The following TYW1 variants were observed in gnomAD, a reference collection of about 807,000 sequenced individuals.
TYW1 encodes the protein tRNA-yW synthesizing protein 1 homolog, also known as S-adenosyl-L-methionine-dependent tRNA 4-demethylwyosine synthase TYW1.
In TYW1, 46 loss-of-function variants were observed where a neutral mutation model predicts 96.2. The ratio of observed to expected loss-of-function variants is 0.48; its 90% CI spans 0.38 to 0.61. The LOEUF (loss-of-function observed/expected upper bound fraction) is 0.61, where lower values mean the gene tolerates loss of function less well. Among genes scored for constraint, TYW1 ranks in the 20% least tolerant of loss-of-function variants. The probability of loss-of-function intolerance (pLI) is 0.00; values close to 1 mark genes in which losing one functional copy is unlikely to be tolerated. For missense variants in TYW1, 684 were observed against 909.6 expected (o/e 0.75, Z 3.19); for synonymous variants, 274 against 323.0 (o/e 0.85, Z 1.63).
intron 13 of TYW1, among the ~76,000 whole-genome samples, chr7:67,144,393 A>G (rs189944373): frequency 3.9e-5 from 6 of 152,370 alleles, no homozygotes; most frequent in African/African-American, 1.4e-4. Context: ...GAGTATATGA[A>G]CAGACATCTC....
At position 67,048,089 on chromosome 7, in the gene TYW1, C is replaced by CGTGTTAAAATTTTTACTCTGTTTTAT. The variant is rs57594073; in HGVS notation, c.985-1860_985-1859insGTGTTAAAATTTTTACTCTGTTTTAT. On this transcript the variant is annotated intron_variant, in intron 7 of 15. Coordinates refer to ENST00000359626, the MANE Select transcript of TYW1 (RefSeq NM_018264.4). ...AGGCGTGAGCCAACGTGCCCAGCCA[C>CGTGTTAAAATTTTTACTCTGTTTTAT]ATATGGGGGACATTGAATGTTCTCA... Among the ~76,000 whole-genome samples, 3 of 78,364 alleles carry CGTGTTAAAATTTTTACTCTGTTTTAT rather than the reference C, an allele frequency of 3.8e-5. 1 individual carries two copies. The highest frequency in any genetic ancestry group is 7.3e-5 in the Non-Finnish European group (3 of 41,210). 51.4% of individuals were successfully genotyped at this position (78,364 alleles called of 152,430 possible).
intron 9 of TYW1, among the ~76,000 whole-genome samples, chr7:67,064,440 G>A (rs1795797143): frequency 6.6e-6 from 1 of 152,260 alleles, no homozygotes; most frequent in African/African-American, 2.4e-5. Context: ...AAGCTGTTCT[G>A]TATTAGTCCG....
chr7:67,042,978 C>T (rs1465431137), intron 7 of TYW1, among the ~76,000 whole-genome samples: 1 of 151,868 alleles, frequency 6.6e-6, no homozygotes, highest in Non-Finnish European at 1.5e-5. Context: ...GCTTAGGCAA[C>T]AGCCTGAGAC....
intron 9 of TYW1, 95 bp from the exon 10 acceptor site, chr7:67,067,190 C>T (rs1276939073): frequency 1.5e-5 from 20 of 1,371,442 alleles, no homozygotes; most frequent in East Asian, 9.1e-5. Flanking sequence ...TTCATGGTTA[C>T]GAAACACATG....
chr7:67,223,450 A>G (rs574490983), intron 15 of TYW1, among the ~76,000 whole-genome samples: 72 of 152,158 alleles, frequency 4.7e-4, no homozygotes, highest in Non-Finnish European at 8.5e-4. Context: ...TTCCCTGGGC[A>G]TCCATGGTAA....
At chr7:67,057,927 G>GT (rs1795575364) in intron 9 of TYW1, among the ~76,000 whole-genome samples, 2 of 152,134 alleles carry the variant, frequency 1.3e-5, no homozygotes, top group South Asian at 2.1e-4. Flanking sequence ...TATGGTTAGT[G>GT]TTTTTTGTAT....
At chr7:67,059,601 T>C (rs957697246) in intron 9 of TYW1, among the ~76,000 whole-genome samples, 3 of 147,318 alleles carry the variant, frequency 2.0e-5, no homozygotes, top group African/African-American at 5.1e-5. Flanking sequence ...GTGGTTTTTG[T>C]AGAGTCTTTT....
At chr7:67,098,860 T>A in intron 12 of TYW1, 142 bp downstream of exon 12, 1 of 901,342 alleles carries the variant, frequency 1.1e-6, no homozygotes, top group East Asian at 2.7e-5. Flanking sequence ...GTGAAGATGG[T>A]CCTGCTCTTC....
chr7:67,227,680 G>A (rs1801611318), intron 15 of TYW1, among the ~76,000 whole-genome samples: 1 of 151,992 alleles, frequency 6.6e-6, no homozygotes, highest in Admixed American at 6.6e-5. Flanking sequence ...AGTCAACTGT[G>A]TCTAGGTGAC....
chr7:67,194,656 C>G (rs1260371337), intron 14 of TYW1, among the ~76,000 whole-genome samples: 1 of 150,770 alleles, frequency 6.6e-6, no homozygotes, highest in Admixed American at 6.6e-5. Flanking sequence ...TTAAAGGGAT[C>G]CTTATCTGTC....
intron 7 of TYW1, among the ~76,000 whole-genome samples, chr7:67,026,718 G>C (rs1794465690): frequency 1.3e-5 from 2 of 151,580 alleles, no homozygotes; most frequent in Non-Finnish European, 2.9e-5. Flanking sequence ...TTGAGACGGA[G>C]TCTTGCTCTG....
At chr7:67,153,925 C>CTTTTTTT (rs34003922) in intron 13 of TYW1, among the ~76,000 whole-genome samples, 15 of 130,346 alleles carry the variant, frequency 1.2e-4, no homozygotes, top group East Asian at 4.8e-4. Flanking sequence ...TAACGACTTT[C>CTTTTTTT]TTTTTTTTTT....
rs145123110 is a variant in TYW1 at position 67,116,182 on chromosome 7, C to T, written c.1563-1301C>T. 2.1e-4 allele frequency among the ~76,000 whole-genome samples: 32 copies of T among 151,876 alleles called. No individual in the cohort carries two copies. The East Asian group carries it at 3.5e-3, about 17-fold the overall frequency. On this transcript the variant is annotated intron_variant, in intron 12 of 15. Coordinates refer to ENST00000359626, the MANE Select transcript of TYW1 (RefSeq NM_018264.4). Reference sequence around the variant, plus strand: ...CTCTACTAAAAATACAAAAATTAGCCGGATGTGGCACGGTACACTTGTAAT... The same window carrying T: ...CTCTACTAAAAATACAAAAATTAGCTGGATGTGGCACGGTACACTTGTAAT...
intron 9 of TYW1, among the ~76,000 whole-genome samples, chr7:67,057,546 T>G (rs890818651): frequency 6.6e-6 from 1 of 152,096 alleles, no homozygotes; most frequent in Admixed American, 6.6e-5. Flanking sequence ...AATTTGTGTA[T>G]TTTTAGTTGA....
intron 13 of TYW1, among the ~76,000 whole-genome samples, chr7:67,122,543 C>T (rs191806544): frequency 6.6e-6 from 1 of 152,326 alleles, no homozygotes; most frequent in East Asian, 1.9e-4. Context: ...GACCTTAACA[C>T]AGTAATTAAC....
At chr7:67,195,740 G>C (rs1321355548) in intron 15 of TYW1, among the ~76,000 whole-genome samples, 1 of 151,862 alleles carries the variant, frequency 6.6e-6, no homozygotes, top group Non-Finnish European at 1.5e-5. Context: ...TAGATTGCTT[G>C]AATCTTGGCA....
intron 2 of TYW1, 64 bp from the exon 3 acceptor site, chr7:66,998,753 A>G: frequency 1.3e-6 from 2 of 1,570,846 alleles, no homozygotes; most frequent in Non-Finnish European, 1.7e-6. Flanking sequence ...GCTAATTTTC[A>G]TCCCTGCTGA....
At chr7:67,114,618 G>T (rs1797533204) in intron 12 of TYW1, among the ~76,000 whole-genome samples, 1 of 152,148 alleles carries the variant, frequency 6.6e-6, no homozygotes, top group East Asian at 1.9e-4. Context: ...CAGCAGTGCT[G>T]TTGAGATTCT....
intron 3 of TYW1, among the ~76,000 whole-genome samples, chr7:67,003,279 C>T (rs534204564): frequency 6.6e-6 from 1 of 152,212 alleles, no homozygotes; most frequent in African/African-American, 2.4e-5. Context: ...TTGCTTGGTC[C>T]AAAACACCTT....
Sources: gnomAD v4.1 joint callset for allele counts (sites outside exome capture counted in the v4.1 genomes callset) on GRCh38, gnomAD v4.1.1 for gene constraint, MANE v1.5 for transcripts, NCBI Gene and HGNC (gene_info 2026-07-23, HGNC 2026-07-21) for gene names.